The following PKHD1 variants were observed in gnomAD, a reference collection of about 807,000 sequenced individuals.
PKHD1 encodes the protein PKHD1 ciliary IPT domain containing fibrocystin/polyductin, also known as fibrocystin.
PKHD1 carries 291 observed loss-of-function variants against 412.0 expected under a neutral mutation model. The observed-to-expected ratio is 0.71, with a 90% CI of 0.64 to 0.78. The LOEUF (loss-of-function observed/expected upper bound fraction) is 0.78, where lower values mean the gene tolerates loss of function less well. PKHD1 is among the 30% of genes least tolerant of loss of function. The probability of loss-of-function intolerance (pLI) is 0.00; values close to 1 mark genes in which losing one functional copy is unlikely to be tolerated. For missense variants in PKHD1, 4,825 were observed against 4,950.7 expected (o/e 0.97, Z 0.76); for synonymous variants, 1,777 against 1,821.5 (o/e 0.98, Z 0.62).
At chr6:51,910,425 C>T (rs757966774) in intron 39 of PKHD1, among the ~76,000 whole-genome samples, 1 of 152,066 alleles carries the variant, frequency 6.6e-6, no homozygotes, top group African/African-American at 2.4e-5. Flanking sequence ...TGCCTTATCA[C>T]AATTTGATTA....
At chr6:51,754,227 G>A (rs1786582091) in intron 56 of PKHD1, among the ~76,000 whole-genome samples, 1 of 152,038 alleles carries the variant, frequency 6.6e-6, no homozygotes, top group African/African-American at 2.4e-5. Flanking sequence ...TGTGTATTGT[G>A]TATAAAAATA....
Position 51,618,772 on chromosome 6 carries a change from A to C in PKHD1, c.*309T>G, listed in dbSNP as rs1028924324. On this transcript the variant is annotated 3_prime_UTR_variant, in exon 67 of 67. Transcript: ENST00000371117. ...CTTAATAATAACCCCTGCTGGTATA[A>C]GTCAGTATTACACCATTATCAAGTT... The C allele has an allele frequency of 1.7e-5, 7 of 407,054 alleles. No individual in the cohort carries two copies. The Admixed American group carries it at 2.6e-4, about 15-fold the overall frequency. The allele number at this position is 407,054 out of a possible 1,614,324, so 25.2% of individuals were successfully genotyped here. A position where few individuals can be genotyped will look rare whatever the true frequency, so the allele number is the denominator to read the frequency against.
chr6:52,015,190 T>C (rs1800372231), intron 34 of PKHD1, among the ~76,000 whole-genome samples: 1 of 152,228 alleles, frequency 6.6e-6, no homozygotes, highest in Non-Finnish European at 1.5e-5. Flanking sequence ...ATCCTAATTT[T>C]TAAAGGTGAC....
intron 6 of PKHD1, among the ~76,000 whole-genome samples, chr6:52,074,577 G>T (rs550122250): frequency 5.8e-4 from 88 of 152,282 alleles, no homozygotes; most frequent in African/African-American, 1.8e-3. Context: ...AAAGACTGTA[G>T]AAATTAGGAA....
At chr6:51,743,069 T>G (rs1437301503) in intron 60 of PKHD1, among the ~76,000 whole-genome samples, 1 of 151,442 alleles carries the variant, frequency 6.6e-6, no homozygotes, top group East Asian at 1.9e-4. Context: ...GGTGAGAGAG[T>G]GGGCAGGAAC....
At chr6:51,908,827 G>A (rs1782529047) in intron 40 of PKHD1, among the ~76,000 whole-genome samples, 1 of 152,036 alleles carries the variant, frequency 6.6e-6, no homozygotes, top group African/African-American at 2.4e-5. Flanking sequence ...CTCTGATTTA[G>A]GACAACTTTA....
At position 52,042,940 on chromosome 6, in the gene PKHD1, T is replaced by C. The variant is rs1281505890; in HGVS notation, c.3016A>G (p.Ile1006Val). ...LMLVRPSGLAISATGEDLFLN... is the reference protein window; with the variant it reads ...LMLVRPSGLAVSATGEDLFLN... ...AAGAGGTCTTCTCCAGTGGCACTGA[T>C]GGCAAGACCAGAGGGTCTCACCAAC... The change falls in exon 27 of 67, where the codon ATC becomes GTC. Residue 1006 changes from isoleucine (I) to valine (V), a missense_variant. Coordinates refer to ENST00000371117, the MANE Select transcript of PKHD1 (RefSeq NM_138694.4). 1.2e-6 allele frequency: 2 copies of C among 1,613,818 alleles called. No homozygotes were observed. The highest frequency in any genetic ancestry group is 2.2e-5 in the East Asian group (1 of 44,894).
rs1239359848 is a variant in PKHD1 at position 52,043,663 on chromosome 6, C to T, written c.2783G>A (p.Gly928Glu). ...PGSCSFQYLQGSTPCVHSVWY... is the reference protein window; with the variant it reads ...PGSCSFQYLQESTPCVHSVWY... Reference sequence around the variant, plus strand: ...CACAGAATGGACACAGGGAGTTGACCCTTGGAGGTACTGGAAAGAGCAGGA... The same window carrying T: ...CACAGAATGGACACAGGGAGTTGACTCTTGGAGGTACTGGAAAGAGCAGGA... Residue 928 changes from glycine to glutamate, a missense_variant, in exon 26 of 67, where the codon GGG (glycine) becomes GAG (glutamate). By Grantham distance (98) the Gly-to-Glu change is moderately conservative. Transcript: ENST00000371117. The T allele has an allele frequency of 4.3e-6, 7 of 1,613,138 alleles. No homozygotes were observed. Among genetic ancestry groups the T allele is most frequent in the Non-Finnish European group, 5.9e-6 (7 of 1,179,286 alleles).
At chr6:51,894,979 A>G (rs779946408) in intron 43 of PKHD1, among the ~76,000 whole-genome samples, 1 of 152,226 alleles carries the variant, frequency 6.6e-6, no homozygotes, top group Non-Finnish European at 1.5e-5. Flanking sequence ...CTAATTAATC[A>G]CAATTTTCTA....
chr6:51,697,126 C>T (rs1283280062), intron 60 of PKHD1, among the ~76,000 whole-genome samples: 1 of 151,948 alleles, frequency 6.6e-6, no homozygotes, highest in South Asian at 2.1e-4. Context: ...GTTGCAGTGA[C>T]GTGAGATCGT....
chr6:51,861,920 T>C (rs1404674329), intron 48 of PKHD1, among the ~76,000 whole-genome samples: 1 of 152,234 alleles, frequency 6.6e-6, no homozygotes, highest in Non-Finnish European at 1.5e-5. Flanking sequence ...ATTGCATCTC[T>C]ACTTTTGATC....
intron 8 of PKHD1, 55 bp downstream of exon 8, chr6:52,072,060 A>G (rs1810688164): frequency 2.1e-6 from 2 of 959,948 alleles, no homozygotes; most frequent in Admixed American, 1.7e-5. Context: ...TGTGTGTTGT[A>G]TCCATGTGGA....
intron 60 of PKHD1, among the ~76,000 whole-genome samples, chr6:51,678,244 T>G (rs1776153804): frequency 6.6e-6 from 1 of 152,134 alleles, no homozygotes; most frequent in African/African-American, 2.4e-5. Flanking sequence ...TCTGAATCAT[T>G]TTTTTCATTG....
intron 10 of PKHD1, 93 bp downstream of exon 10, chr6:52,070,313 C>A: frequency 1.2e-6 from 1 of 853,070 alleles, no homozygotes; most frequent in Non-Finnish European, 2.0e-6. Flanking sequence ...TAACATTTTC[C>A]GTCATAAAAA....
intron 35 of PKHD1, among the ~76,000 whole-genome samples, chr6:51,992,202 A>T (rs1475974415): frequency 6.6e-6 from 1 of 152,220 alleles, no homozygotes; most frequent in Non-Finnish European, 1.5e-5. Context: ...GACAAGAAGC[A>T]AGCATTCAAT....
chr6:52,045,256 G>T (rs1272522083), intron 24 of PKHD1, among the ~76,000 whole-genome samples, 168 bp from the exon 25 acceptor site: 4 of 152,204 alleles, frequency 2.6e-5, no homozygotes, highest in African/African-American at 9.6e-5. Flanking sequence ...GTAAATAATG[G>T]CTGAGGAAAG....
At chr6:51,950,298 A>C (rs1182719430) in intron 36 of PKHD1, among the ~76,000 whole-genome samples, 3 of 150,660 alleles carry the variant, frequency 2.0e-5, no homozygotes, top group Non-Finnish European at 4.4e-5. Flanking sequence ...AACCATTTTC[A>C]TCAACTCAGA....
At chr6:51,922,347 T>A (rs1784835594) in intron 37 of PKHD1, among the ~76,000 whole-genome samples, 1 of 152,194 alleles carries the variant, frequency 6.6e-6, no homozygotes. Context: ...CCCAGCTGTA[T>A]GAGGTGTCAG....
chr6:51,780,020 C>T (rs1309082636), intron 53 of PKHD1, among the ~76,000 whole-genome samples: 1 of 147,760 alleles, frequency 6.8e-6, no homozygotes. Flanking sequence ...TCAAAATTTA[C>T]AATTCATAAT....
Sources: gnomAD v4.1 joint callset for allele counts (sites outside exome capture counted in the v4.1 genomes callset) on GRCh38, gnomAD v4.1.1 for gene constraint, MANE v1.5 for transcripts, NCBI Gene and HGNC (gene_info 2026-07-23, HGNC 2026-07-21) for gene names.